SEPTIN14: variants seen among roughly 807,000 people sequenced by gnomAD.
SEPTIN14 encodes septin-14.
A neutral mutation model predicts 53.6 loss-of-function variants in SEPTIN14; 40 were observed. The ratio of observed to expected loss-of-function variants is 0.75; its 90% CI spans 0.58 to 0.97. The LOEUF is 0.97. SEPTIN14 is among the 50% of genes least tolerant of loss of function. The pLI is 0.00. For missense variants in SEPTIN14, 471 were observed against 508.2 expected (o/e 0.93, Z 0.70); for synonymous variants, 138 against 166.8 (o/e 0.83, Z 1.33).
intron 6 of SEPTIN14, among the ~76,000 whole-genome samples, chr7:55,833,913 C>T (rs1789158404): frequency 6.6e-6 from 1 of 151,880 alleles, no homozygotes; most frequent in Admixed American, 6.6e-5. Flanking sequence ...CTACTATGAA[C>T]AATTATACAC....
chr7:55,833,753 G>A (rs1789154841), intron 6 of SEPTIN14, among the ~76,000 whole-genome samples: 1 of 142,380 alleles, frequency 7.0e-6, no homozygotes, highest in Non-Finnish European at 1.5e-5. Flanking sequence ...GCTAAGAGTT[G>A]ATTTGGGGAA....
rs145010878 is a variant in SEPTIN14, at chr7:55,825,617, C to T, written c.721-6394G>A. Among the ~76,000 whole-genome samples, 1,099 of 152,234 alleles carry T rather than the reference C, an allele frequency of 7.2e-3. 8 individuals carry two copies. Among genetic ancestry groups the T allele is most frequent in the Admixed American group, 9.0e-3 (138 of 15,282 alleles). ...CATTAAGATCTCTGTTCTTTCCACT[C>T]AATTTTTCTACAACCATAAAACTAC... On this transcript the variant is annotated intron_variant, in intron 6 of 9. Coordinates refer to ENST00000388975, the MANE Select transcript of SEPTIN14 (RefSeq NM_207366.3).
chr7:55,794,487 C>A lies in SEPTIN14; in HGVS notation c.*1426G>T, dbSNP rs1788392943. The stretch of plus-strand genomic sequence containing the variant: ...TGAATAATTGCTGCTATGCGTCAGA[C>A]ATTTTTCTAGGCCTAGGAATGGATA... On this transcript the variant is annotated 3_prime_UTR_variant, in exon 10 of 10. Transcript: ENST00000388975. 6.6e-6 allele frequency: 1 copy of A among 152,156 alleles called. No individual in the cohort carries two copies. The highest frequency in any genetic ancestry group is 2.4e-5 in the African/African-American group (1 of 41,438). The allele number at this position is 152,156 out of a possible 1,614,324, so 9.4% of individuals were successfully genotyped here.
intron 6 of SEPTIN14, among the ~76,000 whole-genome samples, chr7:55,824,092 A>G (rs1788944077): frequency 6.6e-6 from 1 of 152,170 alleles, no homozygotes; most frequent in African/African-American, 2.4e-5. Flanking sequence ...CAATGACTTC[A>G]TCGATATAAC....
intron 3 of SEPTIN14, among the ~76,000 whole-genome samples, chr7:55,845,444 C>G (rs1789386615): frequency 6.6e-6 from 1 of 152,184 alleles, no homozygotes; most frequent in Non-Finnish European, 1.5e-5. Flanking sequence ...CCTTAGCAAA[C>G]AGTTTCAAAC....
chr7:55,819,879 C>G (rs1788863524), intron 6 of SEPTIN14, among the ~76,000 whole-genome samples: 1 of 152,128 alleles, frequency 6.6e-6, no homozygotes, highest in African/African-American at 2.4e-5. Flanking sequence ...ATGCAAATAA[C>G]TTTTAACTCT....
chr7:55,805,472 A>T, intron 8 of SEPTIN14, 82 bp from the exon 9 acceptor site: 1 of 994,422 alleles, frequency 1.0e-6, no homozygotes, highest in Non-Finnish European at 1.5e-6. Flanking sequence ...TTTGCAGAGA[A>T]TCAAAATCGT....
At chr7:55,827,089 T>C (rs1184378275) in intron 6 of SEPTIN14, among the ~76,000 whole-genome samples, 1 of 152,196 alleles carries the variant, frequency 6.6e-6, no homozygotes, top group Non-Finnish European at 1.5e-5. Context: ...TACTTATGCA[T>C]GCCATCCAGA....
At chr7:55,808,575 G>C (rs1033371561) in intron 7 of SEPTIN14, among the ~76,000 whole-genome samples, 1 of 152,032 alleles carries the variant, frequency 6.6e-6, no homozygotes, top group Non-Finnish European at 1.5e-5. Context: ...TTTTGAGACA[G>C]AGTTTCGCTT....
intron 2 of SEPTIN14, among the ~76,000 whole-genome samples, chr7:55,856,725 G>A (rs1789633939): frequency 6.6e-6 from 1 of 152,212 alleles, no homozygotes; most frequent in Non-Finnish European, 1.5e-5. Context: ...ATCTGCCACT[G>A]ATGGACACCT....
At chr7:55,807,724 A>G (rs1788631483) in intron 7 of SEPTIN14, among the ~76,000 whole-genome samples, 1 of 152,182 alleles carries the variant, frequency 6.6e-6, no homozygotes, top group Non-Finnish European at 1.5e-5. Context: ...CATATTTAGG[A>G]GACACCGTTA....
At chr7:55,838,193 AG>A (rs1358845913) in intron 5 of SEPTIN14, among the ~76,000 whole-genome samples, 2 of 152,168 alleles carry the variant, frequency 1.3e-5, no homozygotes, top group Non-Finnish European at 2.9e-5. Context: ...GCCTATTGAA[AG>A]GAAGTCCTCG....
In SEPTIN14 at chr7:55,843,084, T is replaced by G. The variant is rs763646787; in HGVS notation, c.416A>C (p.Tyr139Ser). ...VDYIDAQFEAYLQEELKIKRS... is the reference protein window; with the variant it reads ...VDYIDAQFEASLQEELKIKRS... The stretch of plus-strand genomic sequence containing the variant: ...TTTAATCTTCAGTTCTTCTTGAAGA[T>G]AGGCCTCAAATTGGGCATCTATGTA... Residue 139 changes from tyrosine to serine, a missense_variant, in exon 5 of 10, where the codon TAT (tyrosine) becomes TCT (serine). By Grantham distance (144) the Tyr-to-Ser change is moderately radical (BLOSUM62 -2). Transcript: ENST00000388975. 1 of 1,606,278 alleles carries G rather than the reference T, an allele frequency of 6.2e-7. No homozygotes were observed. The highest frequency in any genetic ancestry group is 1.7e-5 in the Admixed American group (1 of 57,568).
At chr7:55,852,132 ACT>A (rs1436668771) in intron 2 of SEPTIN14, among the ~76,000 whole-genome samples, 1 of 132,686 alleles carries the variant, frequency 7.5e-6, no homozygotes, top group Non-Finnish European at 1.6e-5. Context: ...ACAGAGTGAG[ACT>A]CTGTCAAAAA....
chr7:55,850,731 T>G (rs1433276206), intron 2 of SEPTIN14: 1 of 152,088 alleles, frequency 6.6e-6, no homozygotes, highest in Admixed American at 6.6e-5. Flanking sequence ...TTCTAGACAT[T>G]AAAAAATACT....
At chr7:55,808,049 A>T (rs1436684116) in intron 7 of SEPTIN14, among the ~76,000 whole-genome samples, 6 of 152,234 alleles carry the variant, frequency 3.9e-5, no homozygotes, top group Non-Finnish European at 8.8e-5. Flanking sequence ...ACTGTATTAC[A>T]ATAATAGTAA....
chr7:55,856,482 C>T (rs188138444), intron 2 of SEPTIN14, among the ~76,000 whole-genome samples: 1 of 151,918 alleles, frequency 6.6e-6, no homozygotes, highest in Non-Finnish European at 1.5e-5. Flanking sequence ...ATCTCCGCCT[C>T]CCAGGTTCAA....
chr7:55,848,886 C>T (rs1447163681), intron 2 of SEPTIN14, among the ~76,000 whole-genome samples: 1 of 152,020 alleles, frequency 6.6e-6, no homozygotes, highest in South Asian at 2.1e-4. Context: ...GGATTACAGG[C>T]ATGAGCCACC....
At chr7:55,824,628 C>CA (rs34568525) in intron 6 of SEPTIN14, among the ~76,000 whole-genome samples, 79,892 of 144,774 alleles carry the variant, frequency 0.55, 21,958 homozygotes, top group Non-Finnish European at 0.58. Flanking sequence ...ACTAAAAATA[C>CA]AAAAAAAAAA....
Sources: gnomAD v4.1 joint callset for allele counts (sites outside exome capture counted in the v4.1 genomes callset) on GRCh38, gnomAD v4.1.1 for gene constraint, MANE v1.5 for transcripts, NCBI Gene and HGNC (gene_info 2026-07-23, HGNC 2026-07-21) for gene names.